The following NUP214 variants were observed in gnomAD, a reference collection of about 807,000 sequenced individuals.
NUP214 encodes the protein nuclear pore complex protein Nup214.
A neutral mutation model predicts 196.2 loss-of-function variants in NUP214; 79 were observed. The observed-to-expected ratio is 0.40, with a 90% CI of 0.34 to 0.49. NUP214 has a LOEUF of 0.49. Among genes scored for constraint, NUP214 ranks in the 20% least tolerant of loss-of-function variants. The pLI is 0.58. For missense variants in NUP214, 2,468 were observed against 2,539.0 expected (o/e 0.97, Z 0.60); for synonymous variants, 1,020 against 990.5 (o/e 1.03, Z -0.56).
chr9:131,142,274 G>T (rs967312572), intron 11 of NUP214, among the ~76,000 whole-genome samples: 1 of 152,218 alleles, frequency 6.6e-6, no homozygotes, highest in Admixed American at 6.5e-5. Flanking sequence ...CTGAGCCTTT[G>T]CTACTAGCCC....
intron 23 of NUP214, among the ~76,000 whole-genome samples, chr9:131,176,581 T>C (rs1833128912): frequency 6.6e-6 from 1 of 152,148 alleles, no homozygotes; most frequent in Non-Finnish European, 1.5e-5. Context: ...CACCCGCCTC[T>C]ACCTCCCAAA....
chr9:131,228,052 C>T (rs1345163918), intron 32 of NUP214, 108 bp from the exon 33 acceptor site: 2 of 1,115,132 alleles, frequency 1.8e-6, no homozygotes, highest in Non-Finnish European at 2.5e-6. Context: ...TCCTCTTTTC[C>T]CTTTTTTCTT....
At position 131,230,746 on chromosome 9, in the gene NUP214, C is replaced by G; in HGVS notation, c.6191C>G (p.Ser2064Cys). ...SGFGTQSSGF[S>C]GFGSGTGGFS... ...TTTGGGACCCAGAGTAGCGGATTCT[C>G]TGGTTTTGGATCAGGCACAGGAGGT... Residue 2064 changes from serine (S) to cysteine (C), a missense_variant, in exon 34 of 36, where the codon TCT (serine) becomes TGT (cysteine). Around this residue, in one of 5 missense-constraint regions of NUP214, gnomAD observed 262 missense variants for 296.5 expected, o/e 0.88. Transcript: ENST00000359428. 6.2e-7 allele frequency: 1 copy of G among 1,614,042 alleles called. No homozygotes were observed. Among genetic ancestry groups the G allele is most frequent in the Non-Finnish European group, 8.5e-7 (1 of 1,180,000 alleles).
At position 131,146,702 on chromosome 9, in the gene NUP214, G is replaced by C. The variant is rs1317239516; in HGVS notation, c.1945+398G>C. ...CCCAGCACTTTGGGAGGCCAAGGCA[G>C]GTGGATCACCGGAGGTTAGGAGTTC... On this transcript the variant is annotated intron_variant, in intron 13 of 35. Coordinates refer to ENST00000359428, the MANE Select transcript of NUP214 (RefSeq NM_005085.4). The surrounding 1 kb of genome is among the most constrained non-coding windows in gnomAD (Gnocchi z 4.6). 5.3e-5 allele frequency among the ~76,000 whole-genome samples: 8 copies of C among 152,326 alleles called. No homozygotes were observed. In the East Asian group the frequency reaches 1.2e-3, roughly 22 times the overall value.
chr9:131,228,385 A>G, intron 33 of NUP214, 54 bp downstream of exon 33: 1 of 1,527,276 alleles, frequency 6.5e-7, no homozygotes, highest in South Asian at 1.2e-5. Flanking sequence ...AAAAAGCACT[A>G]GGGGCCTGTA....
chr9:131,135,166 A>C (rs1831683061), intron 8 of NUP214, 162 bp downstream of exon 8: 3 of 550,306 alleles, frequency 5.5e-6, no homozygotes, highest in Non-Finnish European at 3.2e-6. Flanking sequence ...TGTAGCTCAC[A>C]GAAGCCTGGA....
chr9:131,180,986 CAAAAT>C (rs1833262434), intron 24 of NUP214, among the ~76,000 whole-genome samples: 1 of 151,956 alleles, frequency 6.6e-6, no homozygotes, highest in African/African-American at 2.4e-5. Context: ...AAACAATAAT[CAAAAT>C]AAATAAGTAA....
Position 131,197,759 on chromosome 9 carries a change from C to G in NUP214, c.4265C>G (p.Ser1422Cys). ...GSLPVTSAGS[S>C]GVISFGGTSL... is the part of the protein sequence containing the mutation. The stretch of plus-strand genomic sequence containing the variant: ...CTGCCAGTCACCAGTGCAGGATCCT[C>G]TGGGGTCATCAGTTTTGGTGGGACA... The change falls in exon 29 of 36, where the codon TCT (serine) becomes TGT (cysteine). Residue 1422 changes from serine to cysteine, a missense_variant. Physicochemically the swap from Ser to Cys is moderately radical, Grantham distance 112 (BLOSUM62 -1). Around this residue, in one of 5 missense-constraint regions of NUP214, gnomAD observed 1,801 missense variants for 1,779.4 expected, o/e 1.01. Coordinates refer to ENST00000359428, the MANE Select transcript of NUP214 (RefSeq NM_005085.4). The G allele has an allele frequency of 6.2e-7, 1 of 1,614,218 alleles. No homozygotes were observed. The highest frequency in any genetic ancestry group is 1.6e-4 in the Middle Eastern group (1 of 6,062).
intron 25 of NUP214, among the ~76,000 whole-genome samples, chr9:131,188,135 G>T (rs773097605): frequency 6.6e-6 from 1 of 152,162 alleles, no homozygotes; most frequent in Non-Finnish European, 1.5e-5. Context: ...ACTTCCTCCT[G>T]TCCATTGCTC....
intron 24 of NUP214, among the ~76,000 whole-genome samples, chr9:131,182,300 T>C (rs1833303538): frequency 6.6e-6 from 1 of 152,220 alleles, no homozygotes; most frequent in Non-Finnish European, 1.5e-5. Context: ...CCAGTACCGG[T>C]CTGTGGCCTC....
chr9:131,222,078 A>C lies in NUP214; in HGVS notation c.5750-700A>C, dbSNP rs1466768127. Among the ~76,000 whole-genome samples the C allele has an allele frequency of 2.0e-5, 3 of 152,204 alleles. No individual in the cohort carries two copies. In the East Asian group the frequency reaches 5.8e-4, roughly 29 times the overall value. ...AGTTGAGAGGGGGATGACCCCCTAG[A>C]TAAGTATCTAAAAGGTCAAGGGCTT... is the stretch of plus-strand genomic sequence containing the variant. On this transcript the variant is annotated intron_variant, in intron 31 of 35. Transcript: ENST00000359428.
intron 32 of NUP214, among the ~76,000 whole-genome samples, chr9:131,225,505 G>GC (rs1344348010): frequency 3.3e-5 from 5 of 152,290 alleles, no homozygotes; most frequent in Admixed American, 3.3e-4. Flanking sequence ...GTACTTATTT[G>GC]CCCCATGAAA....
chr9:131,159,193 C>A (rs1832549949), intron 17 of NUP214, 190 bp from the exon 18 acceptor site: 4 of 582,822 alleles, frequency 6.9e-6, no homozygotes, highest in Non-Finnish European at 9.0e-6. Context: ...GGATTATAGG[C>A]CTGAGCCACT....
At chr9:131,172,180 A>G (rs1206799260) in intron 21 of NUP214, among the ~76,000 whole-genome samples, 3 of 151,036 alleles carry the variant, frequency 2.0e-5, no homozygotes, top group Non-Finnish European at 4.4e-5. Flanking sequence ...ACAGTGTAAA[A>G]GTGTTCCTAT....
intron 1 of NUP214, chr9:131,126,017 T>C (rs1046030837): frequency 2.0e-5 from 10 of 509,382 alleles, no homozygotes; most frequent in African/African-American, 1.6e-4. Flanking sequence ...AACTGCTGTT[T>C]ATTGAGTGTT....
intron 32 of NUP214, among the ~76,000 whole-genome samples, chr9:131,225,717 G>A (rs116613884): frequency 0.011 from 1,698 of 152,278 alleles, 27 homozygotes; most frequent in African/African-American, 0.038. Context: ...TGGAAGTCCC[G>A]AGCAGAAGGA....
chr9:131,209,355 T>A (rs1834172663), intron 30 of NUP214, among the ~76,000 whole-genome samples: 1 of 152,196 alleles, frequency 6.6e-6, no homozygotes, highest in Admixed American at 6.5e-5. Context: ...CACTCTGGCC[T>A]GGGTGACAAA....
At position 131,147,675 on chromosome 9, in the gene NUP214, T is replaced by C. The variant is rs1253822179; in HGVS notation, c.2040+91T>C. 10 of 1,000,120 alleles carry C rather than the reference T, an allele frequency of 1.0e-5. No individual in the cohort carries two copies. In the East Asian group the frequency reaches 2.2e-4, roughly 22 times the overall value. The allele number at this position is 1,000,120 out of a possible 1,614,324, so 62.0% of individuals were successfully genotyped here. A position where few individuals can be genotyped will look rare whatever the true frequency, so the allele number is the denominator to read the frequency against. Reference sequence around the variant, plus strand: ...TAAAATGAGTTTTCATGTTTTATAATTCAGACCTTGGACATAGTAATTGGG... The same window carrying C: ...TAAAATGAGTTTTCATGTTTTATAACTCAGACCTTGGACATAGTAATTGGG... On this transcript the variant is annotated intron_variant, in intron 14 of 35. Coordinates refer to ENST00000359428, the MANE Select transcript of NUP214 (RefSeq NM_005085.4).
intron 25 of NUP214, among the ~76,000 whole-genome samples, chr9:131,188,307 G>T (rs1833511256): frequency 6.6e-6 from 1 of 152,224 alleles, no homozygotes; most frequent in Non-Finnish European, 1.5e-5. Context: ...AAAAATAGGT[G>T]ATATTGCAAA....
Sources: gnomAD v4.1 joint callset for allele counts (sites outside exome capture counted in the v4.1 genomes callset) on GRCh38, gnomAD v4.1.1 for gene constraint, gnomAD v4.1.1 regional missense constraint, Gnocchi (gnomAD v3.1) non-coding constraint, MANE v1.5 for transcripts, NCBI Gene and HGNC (gene_info 2026-07-23, HGNC 2026-07-21) for gene names.